The following ARSJ variants were observed in gnomAD, a reference collection of about 807,000 sequenced individuals.
ARSJ encodes arylsulfatase family member J.
ARSJ carries 26 observed loss-of-function variants against 35.9 expected under a neutral mutation model. The ratio of observed to expected loss-of-function variants is 0.72; its 90% confidence interval spans 0.53 to 1.00. The LOEUF (loss-of-function observed/expected upper bound fraction) is 1.00. ARSJ is among the 50% of genes least tolerant of loss of function. The pLI is 0.00. For synonymous variants in ARSJ, 294 were observed against 267.6 expected (o/e 1.10, Z -0.96); for missense variants, 667 against 723.6 (o/e 0.92, Z 0.90).
intron 1 of ARSJ, among the ~76,000 whole-genome samples, chr4:113,937,313 G>A (rs1179465491): frequency 6.6e-6 from 1 of 151,936 alleles, no homozygotes; most frequent in African/African-American, 2.4e-5. Flanking sequence ...ATTAGATCCT[G>A]CTGGATCAAA....
chr4:113,937,331 G>C (rs148281963), intron 1 of ARSJ, among the ~76,000 whole-genome samples: 4 of 151,994 alleles, frequency 2.6e-5, no homozygotes, highest in Admixed American at 2.6e-4. Flanking sequence ...AAAGCCACAG[G>C]AAAGCTCCAG....
chr4:113,950,800 G>A (rs1004785167), intron 1 of ARSJ, among the ~76,000 whole-genome samples: 6 of 151,854 alleles, frequency 4.0e-5, no homozygotes, highest in Non-Finnish European at 5.9e-5. Flanking sequence ...TGATTATACC[G>A]TGACTAGGCA....
intron 1 of ARSJ, among the ~76,000 whole-genome samples, chr4:113,963,553 G>A (rs1261952632): frequency 6.6e-6 from 1 of 152,016 alleles, no homozygotes; most frequent in African/African-American, 2.4e-5. Context: ...CTGCTGCAGG[G>A]TCCCTCCCAG....
chr4:113,940,799 A>G (rs1279324567), intron 1 of ARSJ, among the ~76,000 whole-genome samples: 1 of 152,008 alleles, frequency 6.6e-6, no homozygotes, highest in Non-Finnish European at 1.5e-5. Flanking sequence ...ATTTTAAAAT[A>G]AGATAATTTT....
intron 1 of ARSJ, among the ~76,000 whole-genome samples, chr4:113,955,004 C>CTTT (rs771948398): frequency 0.021 from 2,895 of 138,180 alleles, 99 homozygotes; most frequent in African/African-American, 0.07. Flanking sequence ...TTTTTCTTTT[C>CTTT]TTTTTTTTTT....
At chr4:113,974,541 A>G (rs1727475365) in intron 1 of ARSJ, among the ~76,000 whole-genome samples, 1 of 152,218 alleles carries the variant, frequency 6.6e-6, no homozygotes, top group Admixed American at 6.5e-5. Flanking sequence ...TAAAGGGGAT[A>G]TAAAATGGGT....
rs10008825 is a variant in ARSJ at position 113,971,222 on chromosome 4, A to C, written c.398+7215T>G. 7.9e-3 allele frequency among the ~76,000 whole-genome samples: 1,207 copies of C among 152,238 alleles called. 20 individuals carry two copies. The highest frequency in any genetic ancestry group is 0.028 in the African/African-American group (1,144 of 41,532). ...TATAAGAAAAAACTGAATGAAACCA[A>C]ACTTTGAAATAAAAAGACTTTTATA... On this transcript the variant is annotated intron_variant, in intron 1 of 1. Transcript: ENST00000315366.
Position 113,903,287 on chromosome 4 carries a change from T to C in ARSJ, c.787A>G (p.Ile263Val), listed in dbSNP as rs539034386. 1.2e-6 allele frequency: 2 copies of C among 1,614,154 alleles called. No homozygotes were observed. The highest frequency in any genetic ancestry group is 2.2e-5 in the South Asian group (2 of 91,078). ...GGTGAATGAACAGCTTGATAGGCAATATATAAAAATATAGGCTTTGTGGGG... is the reference window on the plus strand; with the variant it reads ...GGTGAATGAACAGCTTGATAGGCAACATATAAAAATATAGGCTTTGTGGGG... ...HNPTKPIFLY[I>V]AYQAVHSPLQ... The change falls in exon 2 of 2, where the codon ATT becomes GTT. Residue 263 changes from isoleucine (I) to valine (V), a missense_variant. Ile to Val is a conservative substitution (Grantham distance 29). Coordinates refer to ENST00000315366, the MANE Select transcript of ARSJ (RefSeq NM_024590.4).
chr4:113,939,980 G>A (rs530635211), intron 1 of ARSJ, among the ~76,000 whole-genome samples: 13 of 152,140 alleles, frequency 8.5e-5, no homozygotes, highest in East Asian at 1.9e-4. Context: ...TTATTAAAAC[G>A]TCAGGAAACA....
At chr4:113,937,629 T>G (rs1024924871) in intron 1 of ARSJ, among the ~76,000 whole-genome samples, 5 of 152,058 alleles carry the variant, frequency 3.3e-5, no homozygotes, top group Non-Finnish European at 7.4e-5. Flanking sequence ...TGATCCTATA[T>G]CTAGAAAACC....
rs1293560008 is a variant in ARSJ, at chr4:113,966,372, T to A, written c.398+12065A>T. 3.3e-5 allele frequency among the ~76,000 whole-genome samples: 5 copies of A among 152,136 alleles called. No homozygotes were observed. In the South Asian group the frequency reaches 1.0e-3, roughly 32 times the overall value. Reference sequence around the variant, plus strand: ...GAGATAAAAAATGACAAAGAAAGAATGTAAAATTGTAAAAACTAAGTCCTT... The same window carrying A: ...GAGATAAAAAATGACAAAGAAAGAAAGTAAAATTGTAAAAACTAAGTCCTT... On this transcript the variant is annotated intron_variant, in intron 1 of 1. Coordinates refer to ENST00000315366, the MANE Select transcript of ARSJ (RefSeq NM_024590.4).
At chr4:113,945,621 A>C (rs1725429176) in intron 1 of ARSJ, among the ~76,000 whole-genome samples, 1 of 152,080 alleles carries the variant, frequency 6.6e-6, no homozygotes, top group African/African-American at 2.4e-5. Context: ...GGAGCTCATT[A>C]TTTCATAAAA....
At chr4:113,964,831 C>T (rs1186019390) in intron 1 of ARSJ, among the ~76,000 whole-genome samples, 1 of 151,950 alleles carries the variant, frequency 6.6e-6, no homozygotes, top group Non-Finnish European at 1.5e-5. Context: ...TAGGGTAGGA[C>T]CAGAGGCATA....
rs766246293 is a variant in ARSJ at position 113,902,312 on chromosome 4, A to G, written c.1762T>C (p.Ser588Pro). 2 of 1,612,820 alleles carry G rather than the reference A, an allele frequency of 1.2e-6. No homozygotes were observed. Among genetic ancestry groups the G allele is most frequent in the Non-Finnish European group, 1.7e-6 (2 of 1,180,014 alleles). The change falls in exon 2 of 2, where the codon TCA (serine) becomes CCA (proline). Residue 588 changes from serine (S) to proline (P), a missense_variant. By Grantham distance (74) the Ser-to-Pro change is moderately conservative. Transcript: ENST00000315366. The part of the protein sequence containing the change: ...KKKKKQQKAV[S>P]GSTCHSGVTC... ...ACACCTGAATGGCAAGTTGAACCTG[A>G]GACTGCTTTCTGCTGTTTCTTCTTC...
intron 1 of ARSJ, among the ~76,000 whole-genome samples, chr4:113,965,884 C>G (rs1245476111): frequency 6.6e-6 from 1 of 151,954 alleles, no homozygotes; most frequent in African/African-American, 2.4e-5. Context: ...CTGAATCACT[C>G]TGTTCACATA....
intron 1 of ARSJ, among the ~76,000 whole-genome samples, chr4:113,919,259 A>G (rs913955793): frequency 6.6e-6 from 1 of 152,124 alleles, no homozygotes; most frequent in Non-Finnish European, 1.5e-5. Context: ...GAAATCCCTG[A>G]AAGACTACTG....
Position 113,903,178 on chromosome 4 carries a change from C to G in ARSJ, c.896G>C (p.Cys299Ser). The G allele has an allele frequency of 1.2e-6, 2 of 1,614,142 alleles. No homozygotes were observed. Among genetic ancestry groups the G allele is most frequent in the Non-Finnish European group, 8.5e-7 (1 of 1,180,016 alleles). Residue 299 changes from cysteine (C) to serine (S), a missense_variant, in exon 2 of 2, where the codon TGC becomes TCC. Transcript: ENST00000315366. ...NRRRYAAMLS[C>S]LDEAINNVTL... ...CACGTTGTTGATTGCTTCATCTAAG[C>G]AGGAAAGCATGGCAGCATATCTCCT...
At chr4:113,935,328 C>G (rs1049144975) in intron 1 of ARSJ, among the ~76,000 whole-genome samples, 1 of 151,886 alleles carries the variant, frequency 6.6e-6, no homozygotes, top group Admixed American at 6.6e-5. Flanking sequence ...TTAGTTTGAT[C>G]TTTTCCTCAT....
chr4:113,925,424 C>G (rs749930638), intron 1 of ARSJ, among the ~76,000 whole-genome samples: 4 of 152,174 alleles, frequency 2.6e-5, no homozygotes, highest in Non-Finnish European at 4.4e-5. Context: ...ATGGGAGAAA[C>G]AGTACCATAT....
Sources: allele counts gnomAD v4.1 joint callset (sites outside exome capture counted in the v4.1 genomes callset), GRCh38; gene constraint gnomAD v4.1.1; transcripts MANE v1.5; gene names NCBI Gene and HGNC (gene_info 2026-07-23, HGNC 2026-07-21).